Variants in MEF2C observed in about 807,000 individuals in gnomAD.
The protein encoded by MEF2C is myocyte-specific enhancer factor 2C.
MEF2C carries 6 observed loss-of-function variants against 50.5 expected under a neutral mutation model. The observed-to-expected ratio is 0.12, with a 90% CI of 0.07 to 0.23. The LOEUF is 0.23. Among genes scored for constraint, MEF2C ranks in the 10% least tolerant of loss-of-function variants. The pLI, the probability that MEF2C is intolerant of heterozygous loss-of-function variation, is 1.00. For missense variants in MEF2C, 276 were observed against 605.0 expected (o/e 0.46, Z 5.70); for synonymous variants, 183 against 228.0 (o/e 0.80, Z 1.78).
At chr5:88,742,592 T>G (rs1334539682) in intron 6 of MEF2C, 1 of 984,868 alleles carries the variant, frequency 1.0e-6, no homozygotes, top group Non-Finnish European at 1.2e-6. Flanking sequence ...TAAAACACTC[T>G]CTAGGAAGTT....
At chr5:88,779,220 C>T (rs1024955746) in intron 3 of MEF2C, among the ~76,000 whole-genome samples, 2 of 152,112 alleles carry the variant, frequency 1.3e-5, no homozygotes, top group East Asian at 1.9e-4. Flanking sequence ...TCATTCTGAA[C>T]AGAATCACAC....
chr5:88,728,017 A>G (rs148155062), intron 10 of MEF2C, among the ~76,000 whole-genome samples: 1 of 152,148 alleles, frequency 6.6e-6, no homozygotes, highest in African/African-American at 2.4e-5. Flanking sequence ...ATTTCTTAAA[A>G]TATCTATAAG....
At chr5:88,734,563 T>TTGA (rs1763114746) in intron 6 of MEF2C, 4 of 453,186 alleles carry the variant, frequency 8.8e-6, no homozygotes, top group African/African-American at 2.5e-5. Flanking sequence ...TGAGAAAAGT[T>TTGA]TGTTTTTTTT....
At chr5:88,819,278 A>G in intron 2 of MEF2C, 1 of 897,504 alleles carries the variant, frequency 1.1e-6, no homozygotes, top group Non-Finnish European at 1.3e-6. Context: ...AATTTTAAAA[A>G]GCATAATTTG....
intron 1 of MEF2C, among the ~76,000 whole-genome samples, chr5:88,899,108 A>C (rs1378197460): frequency 2.0e-5 from 3 of 152,192 alleles, no homozygotes; most frequent in Non-Finnish European, 4.4e-5. Flanking sequence ...GTGCATACTG[A>C]AAAGTTCAAA....
chr5:88,720,105 A>C lies in MEF2C; in HGVS notation c.*2499T>G, dbSNP rs1755789317. 6.6e-6 allele frequency: 1 copy of C among 152,192 alleles called. No homozygotes were observed. Among genetic ancestry groups the C allele is most frequent in the Admixed American group, 6.5e-5 (1 of 15,282 alleles). 9.4% of individuals were successfully genotyped at this position (152,192 alleles called of 1,614,324 possible). A position where few individuals can be genotyped will look rare whatever the true frequency, so the allele number is the denominator to read the frequency against. On this transcript the variant is annotated 3_prime_UTR_variant, in exon 11 of 11. Transcript: ENST00000504921. ...AAAGTATTTTGAAATGACAAAGAAC[A>C]TTTGTGAAATGTTTGCATATTTTAT...
intron 10 of MEF2C, among the ~76,000 whole-genome samples, chr5:88,723,353 TTGA>T (rs1757091068): frequency 6.6e-6 from 1 of 152,224 alleles, no homozygotes; most frequent in Non-Finnish European, 1.5e-5. Flanking sequence ...ATGCTTGTGT[TTGA>T]ATATTATTTT....
At chr5:88,740,654 T>C (rs1006403781) in intron 6 of MEF2C, 1 of 984,798 alleles carries the variant, frequency 1.0e-6, no homozygotes, top group African/African-American at 1.8e-5. Context: ...AAGGAAGAAA[T>C]TGACAATCTG....
At chr5:88,900,192 A>T (rs1252706561) in intron 1 of MEF2C, among the ~76,000 whole-genome samples, 1 of 151,916 alleles carries the variant, frequency 6.6e-6, no homozygotes, top group Non-Finnish European at 1.5e-5. Context: ...GACCAGATCA[A>T]TATATTGCAC....
intron 1 of MEF2C, among the ~76,000 whole-genome samples, chr5:88,853,149 A>G (rs1432305147): frequency 6.6e-6 from 1 of 152,196 alleles, no homozygotes; most frequent in Non-Finnish European, 1.5e-5. Context: ...ACTTGAGCCT[A>G]GAAGTTCAAG....
chr5:88,764,245 C>T (rs912137922), intron 3 of MEF2C, among the ~76,000 whole-genome samples: 1 of 152,184 alleles, frequency 6.6e-6, no homozygotes, highest in African/African-American at 2.4e-5. Context: ...ACATCAATTA[C>T]ACTTTGTTGA....
chr5:88,891,472 G>A (rs1014220170), intron 1 of MEF2C, among the ~76,000 whole-genome samples: 2 of 142,118 alleles, frequency 1.4e-5, no homozygotes, highest in African/African-American at 5.5e-5. Context: ...ATCTTGGCTC[G>A]GCTCACTGAA....
At chr5:88,883,783 G>A (rs1319116766), upstream of MEF2C, 1 of 152,180 alleles carries the variant, frequency 6.6e-6, no homozygotes, top group Non-Finnish European at 1.5e-5. Context: ...AGACCTCGGA[G>A]CATTTTAATA....
At chr5:88,860,267 C>T (rs1163751658) in intron 1 of MEF2C, among the ~76,000 whole-genome samples, 2 of 151,530 alleles carry the variant, frequency 1.3e-5, no homozygotes, top group African/African-American at 4.9e-5. Context: ...GGTAAGGGGG[C>T]AATCCTGCTA....
At chr5:88,747,329 A>T (rs1026427187) in intron 6 of MEF2C, among the ~76,000 whole-genome samples, 121 of 28,696 alleles carry the variant, frequency 4.2e-3, no homozygotes, top group Non-Finnish European at 5.4e-3. Flanking sequence ...TTTTTTTTTT[A>T]CTACTTTTTT....
chr5:88,893,481 C>T (rs934847705), intron 1 of MEF2C, among the ~76,000 whole-genome samples: 6 of 151,742 alleles, frequency 4.0e-5, no homozygotes, highest in African/African-American at 1.2e-4. Flanking sequence ...CTTTGGCCTC[C>T]CAAAGTGCTG....
At chr5:88,866,369 G>C (rs890792353) in intron 1 of MEF2C, among the ~76,000 whole-genome samples, 2 of 152,186 alleles carry the variant, frequency 1.3e-5, no homozygotes, top group Non-Finnish European at 2.9e-5. Flanking sequence ...TGACATTAAA[G>C]ATATGGTAGC....
At chr5:88,866,825 C>G (rs1400559141) in intron 1 of MEF2C, among the ~76,000 whole-genome samples, 2 of 152,158 alleles carry the variant, frequency 1.3e-5, no homozygotes, top group Admixed American at 1.3e-4. Context: ...TCCATCTGCA[C>G]TAATTAAATT....
At chr5:88,894,777 G>A (rs981994603) in intron 1 of MEF2C, among the ~76,000 whole-genome samples, 1 of 152,100 alleles carries the variant, frequency 6.6e-6, no homozygotes, top group African/African-American at 2.4e-5. Flanking sequence ...AAAAGGTCTG[G>A]TATTTTTTTA....
Sources: allele counts gnomAD v4.1 joint callset (sites outside exome capture counted in the v4.1 genomes callset), GRCh38; gene constraint gnomAD v4.1.1; transcripts MANE v1.5; gene names NCBI Gene and HGNC (gene_info 2026-07-23, HGNC 2026-07-21).